Variants in POLB observed in about 807,000 individuals in gnomAD.
POLB encodes the protein DNA polymerase beta.
POLB carries 37 observed loss-of-function variants against 52.7 expected under a neutral mutation model. The observed-to-expected ratio is 0.70, with a 90% CI of 0.54 to 0.92. The LOEUF (loss-of-function observed/expected upper bound fraction) is 0.92, where lower values mean the gene tolerates loss of function less well. POLB is among the 40% of genes least tolerant of loss of function. The pLI, the probability that POLB is intolerant of heterozygous loss-of-function variation, is 0.00. For synonymous variants in POLB, 138 were observed against 131.3 expected (o/e 1.05, Z -0.35); for missense variants, 313 against 400.8 (o/e 0.78, Z 1.87).
At position 42,344,374 on chromosome 8, in the gene POLB, C is replaced by T. The variant is rs565636139; in HGVS notation, c.120-579C>T. Among the ~76,000 whole-genome samples, 8 of 151,160 alleles carry T rather than the reference C, an allele frequency of 5.3e-5. No homozygotes were observed. In the East Asian group the frequency reaches 1.4e-3, roughly 26 times the overall value. On this transcript the variant is annotated intron_variant, in intron 2 of 13. Coordinates refer to ENST00000265421, the MANE Select transcript of POLB (RefSeq NM_002690.3). The stretch of plus-strand genomic sequence containing the variant: ...ATCCCAGCAACTTGGGAAGCTAAGG[C>T]AGGAGAATCGCTTGAACCCCAGAGG...
At chr8:42,354,651 C>G (rs1362346928) in intron 6 of POLB, 1 of 391,898 alleles carries the variant, frequency 2.6e-6, no homozygotes, top group Non-Finnish European at 5.1e-6. Flanking sequence ...TCAAGTGATT[C>G]TCCTGCCTCA....
chr8:42,361,396 A>AATC, intron 10 of POLB, 31 bp downstream of exon 10: 1 of 1,364,510 alleles, frequency 7.3e-7, no homozygotes, highest in Non-Finnish European at 1.0e-6. Flanking sequence ...AATGGTGATC[A>AATC]GTCTTACACA....
chr8:42,345,618 G>T (rs888015380), intron 3 of POLB, among the ~76,000 whole-genome samples: 2 of 150,634 alleles, frequency 1.3e-5, no homozygotes, highest in South Asian at 2.1e-4. Flanking sequence ...TTTTTTTTTT[G>T]AATATTTGTA....
chr8:42,349,458 G>A (rs1401649035), intron 4 of POLB, among the ~76,000 whole-genome samples: 2 of 152,036 alleles, frequency 1.3e-5, no homozygotes, highest in African/African-American at 4.8e-5. Flanking sequence ...GCGCGATCTC[G>A]GCTCACTGCA....
intron 2 of POLB, chr8:42,341,933 T>G (rs757924622): frequency 7.4e-6 from 5 of 677,330 alleles, no homozygotes; most frequent in Non-Finnish European, 1.4e-5. Context: ...AGCATGAGCT[T>G]TCATCTCCTT....
At chr8:42,345,191 CA>C (rs536519771) in intron 3 of POLB, among the ~76,000 whole-genome samples, 172 bp downstream of exon 3, 434 of 152,238 alleles carry the variant, frequency 2.9e-3, no homozygotes, top group African/African-American at 9.7e-3. Flanking sequence ...TTTTCAAGCT[CA>C]AAATGTTTTC....
chr8:42,341,345 C>T (rs1822189930), intron 2 of POLB, among the ~76,000 whole-genome samples: 1 of 152,194 alleles, frequency 6.6e-6, no homozygotes, highest in Admixed American at 6.5e-5. Context: ...GAAATGATCC[C>T]CTCCATAAAC....
intron 3 of POLB, among the ~76,000 whole-genome samples, chr8:42,346,959 TG>T (rs1187435549): frequency 1.3e-5 from 2 of 152,202 alleles, no homozygotes; most frequent in Non-Finnish European, 2.9e-5. Context: ...TCTGTCTTGG[TG>T]AACTGACCCA....
Position 42,371,745 on chromosome 8 carries a change from A to G in POLB, c.*88A>G. The G allele has an allele frequency of 1.3e-6, 1 of 768,592 alleles. No individual in the cohort carries two copies. The highest frequency in any genetic ancestry group is 2.3e-6 in the Non-Finnish European group (1 of 438,686). The allele number at this position is 768,592 out of a possible 1,614,324, so 47.6% of individuals were successfully genotyped here. A position where few individuals can be genotyped will look rare whatever the true frequency, so the allele number is the denominator to read the frequency against. ...CTATGTAAGGGTCTTTGGTGTTTTT[A>G]AATGATTGTTTCTTCTTCATGCTTT... On this transcript the variant is annotated 3_prime_UTR_variant, in exon 14 of 14. Transcript: ENST00000265421.
Position 42,362,600 on chromosome 8 carries a change from A to G in POLB, c.622-12A>G. 1 of 1,536,872 alleles carries G rather than the reference A, an allele frequency of 6.5e-7. No homozygotes were observed. The highest frequency in any genetic ancestry group is 9.0e-7 in the Non-Finnish European group (1 of 1,113,594). ...TTACTCTTTTTCTTATTCCCTAATT[A>G]TGATTCTACAGCCAAAACTGTTACA... On this transcript the variant is annotated splice_polypyrimidine_tract_variant and intron_variant, in intron 10 of 13. Transcript: ENST00000265421.
intron 1 of POLB, 130 bp downstream of exon 1, chr8:42,338,815 A>C: frequency 9.6e-7 from 1 of 1,040,582 alleles, no homozygotes; most frequent in East Asian, 2.5e-5. Context: ...TTCCGTGGGG[A>C]TCTCCCTCCG....
intron 6 of POLB, among the ~76,000 whole-genome samples, chr8:42,353,327 G>A (rs1323453346): frequency 6.6e-6 from 1 of 151,602 alleles, no homozygotes; most frequent in Non-Finnish European, 1.5e-5. Context: ...TAGCCAGGAT[G>A]GTCTCGGTCT....
chr8:42,354,744 A>T (rs568437823), intron 6 of POLB, among the ~76,000 whole-genome samples: 2 of 151,888 alleles, frequency 1.3e-5, no homozygotes, highest in Non-Finnish European at 2.9e-5. Flanking sequence ...GAGTTTCACC[A>T]TGTTGGTCAG....
At chr8:42,349,186 G>T (rs1822813265) in intron 4 of POLB, 96 bp downstream of exon 4, 6 of 672,888 alleles carry the variant, frequency 8.9e-6, no homozygotes, top group Non-Finnish European at 1.6e-5. Context: ...ATTCACTGTA[G>T]TGAGACTCAC....
intron 6 of POLB, among the ~76,000 whole-genome samples, chr8:42,355,099 C>T (rs769895255): frequency 5.9e-5 from 9 of 151,888 alleles, no homozygotes; most frequent in Admixed American, 2.0e-4. Context: ...ATTGCAGTGG[C>T]GCAATCTCGG....
intron 11 of POLB, among the ~76,000 whole-genome samples, chr8:42,365,643 T>C (rs1239266012): frequency 6.6e-6 from 1 of 152,204 alleles, no homozygotes. Context: ...AAATCCTTAC[T>C]GGGAAGTGTG....
At chr8:42,366,648 A>G (rs1824058157) in intron 11 of POLB, among the ~76,000 whole-genome samples, 1 of 152,144 alleles carries the variant, frequency 6.6e-6, no homozygotes, top group Non-Finnish European at 1.5e-5. Context: ...GACAGGTAAG[A>G]GGTGGTTTGT....
intron 9 of POLB, among the ~76,000 whole-genome samples, chr8:42,359,475 C>A (rs1823538265): frequency 6.6e-6 from 1 of 151,582 alleles, no homozygotes; most frequent in Non-Finnish European, 1.5e-5. Context: ...CCACTTCAGC[C>A]TCCAGAGTAG....
chr8:42,345,077 C>A, intron 3 of POLB, 58 bp downstream of exon 3: 1 of 1,135,364 alleles, frequency 8.8e-7, no homozygotes, highest in Non-Finnish European at 1.3e-6. Context: ...TTGGTGGGTT[C>A]CCACCAAACC....
Sources: gnomAD v4.1 joint callset for allele counts (sites outside exome capture counted in the v4.1 genomes callset) on GRCh38, gnomAD v4.1.1 for gene constraint, MANE v1.5 for transcripts, NCBI Gene and HGNC (gene_info 2026-07-23, HGNC 2026-07-21) for gene names.